THSD7A: variants seen among roughly 807,000 people sequenced by gnomAD.
THSD7A encodes thrombospondin type 1 domain containing 7A.
Under a neutral mutation model 231.3 loss-of-function variants are expected in THSD7A, and 96 were observed. The observed-to-expected ratio is 0.41, with a 90% CI of 0.35 to 0.49. The LOEUF (loss-of-function observed/expected upper bound fraction) is 0.49. Ranked by LOEUF, THSD7A falls within the 20% of genes least tolerant of loss-of-function variation. THSD7A has a pLI of 0.05. For missense variants in THSD7A, 2,290 were observed against 2,070.2 expected, an observed-to-expected ratio of 1.11 and a Z score of -2.06; for synonymous variants, 940 against 743.3, an observed-to-expected ratio of 1.26 and a Z score of -4.30.
chr7:11,408,422 C>T (rs1040446239), intron 19 of THSD7A, among the ~76,000 whole-genome samples: 1 of 151,374 alleles, frequency 6.6e-6, no homozygotes, highest in African/African-American at 2.4e-5. Flanking sequence ...TGCTTGAACC[C>T]AGGACGTGGA....
At chr7:11,790,670 G>GT (rs1315057601) in intron 1 of THSD7A, among the ~76,000 whole-genome samples, 1 of 151,420 alleles carries the variant, frequency 6.6e-6, no homozygotes, top group Non-Finnish European at 1.5e-5. Flanking sequence ...GTCTAGAAAA[G>GT]TTTTTTATGA....
intron 2 of THSD7A, among the ~76,000 whole-genome samples, chr7:11,600,618 A>G (rs562736668): frequency 6.6e-6 from 1 of 152,252 alleles, no homozygotes; most frequent in South Asian, 2.1e-4. Flanking sequence ...ACTCTTGCGC[A>G]TTCTCAATAA....
Position 11,447,442 on chromosome 7 carries a change from A to G in THSD7A, c.2606-18T>C, listed in dbSNP as rs1157392333. ...AGTAATGGCTAAAAGAAAAGCATAA[A>G]GCTGTTATAACAAATTCAAACGTCT... On this transcript the variant is annotated intron_variant, in intron 11 of 27. Transcript: ENST00000423059. 2 of 1,510,270 alleles carry G rather than the reference A, an allele frequency of 1.3e-6. No homozygotes were observed. The highest frequency in any genetic ancestry group is 2.8e-5 in the African/African-American group (2 of 71,198). The allele number at this position is 1,510,270 out of a possible 1,614,324, so 93.6% of individuals were successfully genotyped here.
intron 1 of THSD7A, among the ~76,000 whole-genome samples, chr7:11,708,883 C>T (rs1245165321): frequency 6.6e-6 from 1 of 150,628 alleles, no homozygotes; most frequent in Admixed American, 6.6e-5. Context: ...AATGTTTAGA[C>T]ACTGTACATG....
chr7:11,670,353 T>A (rs936320997), intron 1 of THSD7A, among the ~76,000 whole-genome samples: 1 of 152,172 alleles, frequency 6.6e-6, no homozygotes, highest in Admixed American at 6.6e-5. Context: ...GCCAAAGGTT[T>A]AAGGGCCTGA....
In THSD7A at chr7:11,402,659, A is replaced by T. The variant is rs138733271; in HGVS notation, c.4238-691T>A. Among the ~76,000 whole-genome samples, 9 of 152,308 alleles carry T rather than the reference A, an allele frequency of 5.9e-5. No homozygotes were observed. In the East Asian group the frequency reaches 1.7e-3, roughly 29 times the overall value. On this transcript the variant is annotated intron_variant, in intron 22 of 27. Transcript: ENST00000423059. ...TATATAACCATGTGATCAACACCCA[A>T]ATCAAGGAACAGAACATTCCCAGGA...
intron 1 of THSD7A, among the ~76,000 whole-genome samples, chr7:11,715,647 A>T (rs958517263): frequency 1.3e-5 from 2 of 151,462 alleles, no homozygotes; most frequent in South Asian, 4.2e-4. Flanking sequence ...TGCTTAAAAA[A>T]TGTCTAACTT....
chr7:11,714,695 C>G (rs1429741471), intron 1 of THSD7A, among the ~76,000 whole-genome samples: 4 of 151,282 alleles, frequency 2.6e-5, no homozygotes, highest in African/African-American at 9.7e-5. Context: ...AAATTATAGT[C>G]AAACTATGGG....
rs116695380 is a variant in THSD7A, at chr7:11,682,084, C to A, written c.191-45123G>T. On this transcript the variant is annotated intron_variant, in intron 1 of 27. Coordinates refer to ENST00000423059, the MANE Select transcript of THSD7A (RefSeq NM_015204.3). Reference sequence around the variant, plus strand: ...GGGAGTTTGTTACCATCAGACCAACCCTATAAGAGATGCTTAAGGGAGTTC... The same window carrying A: ...GGGAGTTTGTTACCATCAGACCAACACTATAAGAGATGCTTAAGGGAGTTC... Among the ~76,000 whole-genome samples the A allele has an allele frequency of 2.7e-3, 417 of 152,000 alleles. 1 individual carries two copies. Among genetic ancestry groups the A allele is most frequent in the African/African-American group, 9.7e-3 (400 of 41,448 alleles).
chr7:11,600,913 G>A (rs1780529563), intron 2 of THSD7A, among the ~76,000 whole-genome samples: 1 of 152,202 alleles, frequency 6.6e-6, no homozygotes, highest in African/African-American at 2.4e-5. Flanking sequence ...TCATCTGAGA[G>A]TGGTGGTAAA....
At chr7:11,453,988 A>C (rs1785224928) in intron 11 of THSD7A, among the ~76,000 whole-genome samples, 1 of 152,032 alleles carries the variant, frequency 6.6e-6, no homozygotes, top group Non-Finnish European at 1.5e-5. Context: ...TACCATCTGA[A>C]CTGTATAAAT....
chr7:11,681,877 T>A (rs1783885409), intron 1 of THSD7A, among the ~76,000 whole-genome samples: 1 of 150,832 alleles, frequency 6.6e-6, no homozygotes, highest in Non-Finnish European at 1.5e-5. Context: ...ATATTACCTA[T>A]AAAGGGCATC....
At chr7:11,651,592 A>G (rs1782511998) in intron 1 of THSD7A, among the ~76,000 whole-genome samples, 1 of 151,934 alleles carries the variant, frequency 6.6e-6, no homozygotes, top group South Asian at 2.1e-4. Flanking sequence ...CTTAGAGAAT[A>G]CTTCTATATA....
At chr7:11,440,255 GTTC>G (rs1306591055) in intron 13 of THSD7A, among the ~76,000 whole-genome samples, 1 of 152,028 alleles carries the variant, frequency 6.6e-6, no homozygotes, top group Non-Finnish European at 1.5e-5. Flanking sequence ...CAAAATATTA[GTTC>G]TTATTGACAA....
chr7:11,555,102 CTTA>C (rs1365806406), intron 4 of THSD7A, among the ~76,000 whole-genome samples: 2 of 151,264 alleles, frequency 1.3e-5, no homozygotes, highest in African/African-American at 4.9e-5. Context: ...GATTTCTGTT[CTTA>C]TGTTTATTAT....
In THSD7A at chr7:11,593,407, G is replaced by T; in HGVS notation, c.1118C>A (p.Ser373Ter). Residue 373 changes from serine (S) to a stop codon, truncating the protein, a stop_gained, in exon 3 of 28, where the codon TCA becomes TAA. Transcript: ENST00000423059. LOFTEE classifies it high-confidence loss of function. Reference sequence around the variant, plus strand: ...GGACACCATGTCATGGCATGTTTTTGAGCAGGGGCTCCACTCTGACCACTC... The same window carrying T: ...GGACACCATGTCATGGCATGTTTTTTAGCAGGGGCTCCACTCTGACCACTC... ...VSEWSEWSPC[S>*]KTCHDMVSPA... 6.2e-7 allele frequency: 1 copy of T among 1,614,000 alleles called. No homozygotes were observed. The highest frequency in any genetic ancestry group is 8.5e-7 in the Non-Finnish European group (1 of 1,179,892).
intron 2 of THSD7A, among the ~76,000 whole-genome samples, chr7:11,602,216 G>C (rs971361035): frequency 6.6e-6 from 1 of 151,976 alleles, no homozygotes; most frequent in African/African-American, 2.4e-5. Context: ...TTAAATATGA[G>C]AAATTAATTG....
At chr7:11,786,550 G>C (rs552209881) in intron 1 of THSD7A, among the ~76,000 whole-genome samples, 3 of 150,864 alleles carry the variant, frequency 2.0e-5, no homozygotes, top group African/African-American at 7.4e-5. Flanking sequence ...ATACAGAAAA[G>C]ATATTAGAAA....
intron 23 of THSD7A, among the ~76,000 whole-genome samples, chr7:11,393,958 G>A (rs1224441333): frequency 6.6e-6 from 1 of 151,866 alleles, no homozygotes; most frequent in African/African-American, 2.4e-5. Flanking sequence ...TATTATCCAG[G>A]AGAACTTCCC....
Sources: gnomAD v4.1 joint callset for allele counts (sites outside exome capture counted in the v4.1 genomes callset) on GRCh38, gnomAD v4.1.1 for gene constraint, MANE v1.5 for transcripts, NCBI Gene and HGNC (gene_info 2026-07-23, HGNC 2026-07-21) for gene names.